The following ZC3H18 variants were observed in gnomAD, a reference collection of about 807,000 sequenced individuals.
ZC3H18 encodes the protein zinc finger CCCH-type containing 18, also known as zinc finger CCCH domain-containing protein 18.
A neutral mutation model predicts 106.1 loss-of-function variants in ZC3H18; 8 were observed. The ratio of observed to expected loss-of-function variants is 0.08; its 90% CI spans 0.04 to 0.14. The LOEUF (loss-of-function observed/expected upper bound fraction) is 0.14, where lower values mean the gene tolerates loss of function less well. Ranked by LOEUF, ZC3H18 falls within the 10% of genes least tolerant of loss-of-function variation. The probability of loss-of-function intolerance (pLI) is 1.00; values close to 1 mark genes in which losing one functional copy is unlikely to be tolerated. For missense variants in ZC3H18, 1,318 were observed against 1,278.4 expected (o/e 1.03, Z -0.47); for synonymous variants, 635 against 522.1 (o/e 1.22, Z -2.95).
chr16:88,599,037 T>A (rs947513102), intron 5 of ZC3H18, among the ~76,000 whole-genome samples: 2 of 152,154 alleles, frequency 1.3e-5, no homozygotes, highest in African/African-American at 4.8e-5. Context: ...TGGAGAGTTA[T>A]ATCTAACTGT....
At chr16:88,628,685 A>G (rs1358216030) in intron 15 of ZC3H18, 73 bp from the exon 16 acceptor site, 3 of 1,506,914 alleles carry the variant, frequency 2.0e-6, no homozygotes, top group East Asian at 2.3e-5. Context: ...CAAGGAACCC[A>G]TGTCCTCTGG....
At chr16:88,629,695 C>G (rs983008769) in intron 16 of ZC3H18, among the ~76,000 whole-genome samples, 1 of 152,150 alleles carries the variant, frequency 6.6e-6, no homozygotes, top group African/African-American at 2.4e-5. Flanking sequence ...CCTGAAAGGG[C>G]CTCGGGGACC....
At chr16:88,585,129 C>G (rs1597325671) in intron 2 of ZC3H18, among the ~76,000 whole-genome samples, 1 of 152,108 alleles carries the variant, frequency 6.6e-6, no homozygotes, top group Non-Finnish European at 1.5e-5. Flanking sequence ...ATTAAACATG[C>G]CTTCTCTGAT....
At chr16:88,603,362 T>A (rs1340905370) in intron 6 of ZC3H18, among the ~76,000 whole-genome samples, 1 of 151,366 alleles carries the variant, frequency 6.6e-6, no homozygotes, top group South Asian at 2.1e-4. Context: ...GGCTCACGCC[T>A]GTAATCCCAG....
At chr16:88,582,219 C>CTCT (rs1915174567) in intron 2 of ZC3H18, among the ~76,000 whole-genome samples, 1 of 77,194 alleles carries the variant, frequency 1.3e-5, no homozygotes, top group Non-Finnish European at 2.2e-5. Flanking sequence ...TTTTTCTTTT[C>CTCT]TTTTTTTTTT....
rs1906663863 is a variant in ZC3H18 at position 88,631,139 on chromosome 16, A to G, written c.2702A>G (p.Lys901Arg). Residue 901 changes from lysine (K) to arginine (R), a missense_variant, in exon 18 of 18, where the codon AAG (lysine) becomes AGG (arginine). By Grantham distance (26) the Lys-to-Arg change is conservative. Coordinates refer to ENST00000301011, the MANE Select transcript of ZC3H18 (RefSeq NM_144604.4). ...QLSPQSKSSS[K>R]VTSVPGKASD... The stretch of plus-strand genomic sequence containing the variant: ...TCACCCCAGTCCAAGAGCTCCAGCA[A>G]GGTCACGAGCGTGCCCGGCAAAGCC... 2 of 1,613,100 alleles carry G rather than the reference A, an allele frequency of 1.2e-6. No homozygotes were observed. The highest frequency in any genetic ancestry group is 1.7e-5 in the Admixed American group (1 of 60,012).
intron 6 of ZC3H18, among the ~76,000 whole-genome samples, chr16:88,607,830 G>T (rs940900395): frequency 7.2e-6 from 1 of 138,774 alleles, no homozygotes; most frequent in Non-Finnish European, 1.6e-5. Flanking sequence ...ATTTATTCAC[G>T]CACGCTTCAT....
rs1286657735 is a variant in ZC3H18 at position 88,631,216 on chromosome 16, C to G, written c.2779C>G (p.Arg927Gly). 1 of 1,613,478 alleles carries G rather than the reference C, an allele frequency of 6.2e-7. No individual in the cohort carries two copies. Among genetic ancestry groups the G allele is most frequent in the African/African-American group, 1.3e-5 (1 of 74,930 alleles). Reference protein sequence around the residue: ...TKSGKASTLSRREELLKQLKA... With the variant: ...TKSGKASTLSGREELLKQLKA... ...ATCAGGGAAGGCCAGCACGCTGTCTCGGCGGGAGGAGCTGCTGAAACAGCT... is the reference window on the plus strand; with the variant it reads ...ATCAGGGAAGGCCAGCACGCTGTCTGGGCGGGAGGAGCTGCTGAAACAGCT... The change falls in exon 18 of 18, where the codon CGG (arginine) becomes GGG (glycine). Residue 927 changes from arginine to glycine, a missense_variant. Coordinates refer to ENST00000301011, the MANE Select transcript of ZC3H18 (RefSeq NM_144604.4).
intron 5 of ZC3H18, 80 bp downstream of exon 5, chr16:88,598,792 G>T: frequency 7.5e-7 from 1 of 1,328,964 alleles, no homozygotes; most frequent in South Asian, 1.3e-5. Flanking sequence ...GATTTCCTCG[G>T]TCCAGAGAGA....
intron 1 of ZC3H18, chr16:88,571,599 C>G: frequency 1.0e-6 from 1 of 985,396 alleles, no homozygotes; most frequent in Non-Finnish European, 1.2e-6. Flanking sequence ...GCCGGAAACT[C>G]CTCTCCCGTT....
chr16:88,617,326 C>T (rs1036592763), intron 8 of ZC3H18, among the ~76,000 whole-genome samples: 3 of 152,160 alleles, frequency 2.0e-5, no homozygotes, highest in African/African-American at 4.8e-5. Flanking sequence ...GTGCCGCTCT[C>T]TCCGTCCTAG....
chr16:88,619,512 C>A (rs1474752707), intron 8 of ZC3H18, among the ~76,000 whole-genome samples: 1 of 152,154 alleles, frequency 6.6e-6, no homozygotes, highest in Non-Finnish European at 1.5e-5. Context: ...ACCTCACTGA[C>A]CCCTGCTGGG....
At chr16:88,620,585 G>GAAAAAAAAAAAAAAAAAAAAAA (rs577883900) in intron 8 of ZC3H18, among the ~76,000 whole-genome samples, 1 of 102,414 alleles carries the variant, frequency 9.8e-6, no homozygotes. Flanking sequence ...CTCTAAAAAA[G>GAAAAAAAAAAAAAAAAAAAAAA]AAAAAAAAAA....
At chr16:88,571,683 C>G (rs769103086) in intron 1 of ZC3H18, 1 of 985,162 alleles carries the variant, frequency 1.0e-6, no homozygotes, top group Non-Finnish European at 1.2e-6. Flanking sequence ...GTAAGTTAAC[C>G]TATGGCCTAC....
At chr16:88,624,376 T>C in intron 11 of ZC3H18, 2 of 719,200 alleles carry the variant, frequency 2.8e-6, no homozygotes, top group Admixed American at 5.4e-5. Flanking sequence ...TGCCTGTAGC[T>C]CTTGCCTGTT....
chr16:88,625,628 G>A, intron 13 of ZC3H18: 1 of 286,748 alleles, frequency 3.5e-6, no homozygotes, highest in South Asian at 4.1e-5. Flanking sequence ...GGGCCTGCGT[G>A]ACCTATCACA....
intron 11 of ZC3H18, chr16:88,624,278 G>C (rs1364420720): frequency 1.4e-6 from 1 of 707,420 alleles, no homozygotes; most frequent in African/African-American, 1.8e-5. Flanking sequence ...GGGAACCCTG[G>C]GGACAGAGCA....
intron 8 of ZC3H18, among the ~76,000 whole-genome samples, chr16:88,618,997 A>G (rs1046066233): frequency 1.3e-5 from 2 of 151,940 alleles, no homozygotes; most frequent in East Asian, 1.9e-4. Context: ...TTTATTTTGT[A>G]TCTGCCTGGT....
intron 13 of ZC3H18, chr16:88,626,808 C>T (rs1333685146): frequency 1.3e-5 from 2 of 152,276 alleles, no homozygotes; most frequent in African/African-American, 4.8e-5. Context: ...AGGGCAGACT[C>T]AGGTGCCAGT....
Sources: gnomAD v4.1 joint callset for allele counts (sites outside exome capture counted in the v4.1 genomes callset) on GRCh38, gnomAD v4.1.1 for gene constraint, MANE v1.5 for transcripts, NCBI Gene and HGNC (gene_info 2026-07-23, HGNC 2026-07-21) for gene names.